HECTD4: variants seen among roughly 807,000 people sequenced by gnomAD.
HECTD4 encodes probable E3 ubiquitin-protein ligase HECTD4.
In HECTD4, 114 loss-of-function variants were observed where a neutral mutation model predicts 471.5. That is an observed-to-expected ratio of 0.24 (90% CI 0.21 to 0.28). HECTD4 has a LOEUF of 0.28. Among genes scored for constraint, HECTD4 ranks in the 10% least tolerant of loss-of-function variants. The probability of loss-of-function intolerance (pLI) is 1.00; values close to 1 mark genes in which losing one functional copy is unlikely to be tolerated. For synonymous variants in HECTD4, 2,012 were observed against 2,256.0 expected (o/e 0.89, Z 3.07); for missense variants, 3,866 against 5,651.5 (o/e 0.68, Z 10.13).
chr12:112,348,618 G>C (rs947608404), intron 1 of HECTD4, among the ~76,000 whole-genome samples: 2 of 152,050 alleles, frequency 1.3e-5, no homozygotes, highest in African/African-American at 2.4e-5. Context: ...AGATGAGCTG[G>C]ACACAGTGGT....
intron 43 of HECTD4, among the ~76,000 whole-genome samples, chr12:112,227,111 T>C (rs566510071): frequency 3.3e-5 from 5 of 152,236 alleles, no homozygotes; most frequent in Admixed American, 3.3e-4. Flanking sequence ...AGTGGGAAAA[T>C]CTGTATGGCG....
chr12:112,187,877 T>C (rs1326576911), intron 60 of HECTD4, among the ~76,000 whole-genome samples: 8 of 143,302 alleles, frequency 5.6e-5, no homozygotes, highest in African/African-American at 1.8e-4. Context: ...CCGCCCGCCT[T>C]GGCCTCCCAA....
chr12:112,244,086 C>G, intron 29 of HECTD4, 77 bp from the exon 30 acceptor site: 4 of 1,447,074 alleles, frequency 2.8e-6, no homozygotes, highest in Non-Finnish European at 3.8e-6. Flanking sequence ...AACTACCCAA[C>G]AGTCTAAGTG....
At chr12:112,218,003 T>A (rs1378673209) in intron 45 of HECTD4, among the ~76,000 whole-genome samples, 3 of 152,024 alleles carry the variant, frequency 2.0e-5, no homozygotes, top group Non-Finnish European at 4.4e-5. Context: ...TTTTTATTTT[T>A]TGAGACAGTC....
At chr12:112,362,725 A>G (rs2036475491) in intron 1 of HECTD4, among the ~76,000 whole-genome samples, 1 of 148,414 alleles carries the variant, frequency 6.7e-6, no homozygotes, top group South Asian at 2.1e-4. Flanking sequence ...TTTTTTTGAG[A>G]TGGGGTCTCA....
At position 112,239,079 on chromosome 12, in the gene HECTD4, G is replaced by A. The variant is rs766875303; in HGVS notation, c.5263C>T (p.Arg1755Cys). The change falls in exon 34 of 76, where the codon CGC (arginine) becomes TGC (cysteine). Residue 1755 changes from arginine (R) to cysteine (C), a missense_variant. Transcript: ENST00000682272. The surrounding 1 kb of genome is among the most constrained non-coding windows in gnomAD (Gnocchi z 4.9). ...AWAAFQVLAN[R>C]CVEWEKEEGG... ...TCCTCTTTTTCCCACTCAACACAGC[G>A]GTTGGCAAGCACCTGGAAGGCAGCC... 75 of 1,613,270 alleles carry A rather than the reference G, an allele frequency of 4.6e-5. 1 individual carries two copies. Among genetic ancestry groups the A allele is most frequent in the Non-Finnish European group, 5.5e-5 (65 of 1,179,632 alleles).
chr12:112,228,236 G>C lies in HECTD4; in HGVS notation c.6707C>G (p.Ser2236Cys). The C allele has an allele frequency of 6.2e-7, 1 of 1,607,964 alleles. No homozygotes were observed. Among genetic ancestry groups the C allele is most frequent in the Non-Finnish European group, 8.5e-7 (1 of 1,178,010 alleles). The change falls in exon 43 of 76, where the codon TCC (serine) becomes TGC (cysteine). Residue 2236 changes from serine (S) to cysteine (C), a missense_variant. Physicochemically the swap from Ser to Cys is moderately radical, Grantham distance 112. Transcript: ENST00000682272. This position sits in a 1 kb window ranked among gnomAD's most constrained non-coding sequence, Gnocchi z 4.9. ...RSEALPLHKLSITEKVVQAVQ... is the reference protein window; with the variant it reads ...RSEALPLHKLCITEKVVQAVQ... ...TGCCTGTACTACCTTCTCAGTAATGGACAGTTTATGAAGAGGCAATGCCTG... is the reference window on the plus strand; with the variant it reads ...TGCCTGTACTACCTTCTCAGTAATGCACAGTTTATGAAGAGGCAATGCCTG...
At chr12:112,342,965 A>C (rs1389226693) in intron 1 of HECTD4, among the ~76,000 whole-genome samples, 1 of 152,228 alleles carries the variant, frequency 6.6e-6, no homozygotes, top group Non-Finnish European at 1.5e-5. Context: ...TATTACACTG[A>C]TGCACATGTA....
At chr12:112,281,273 TA>T (rs1555255102) in intron 8 of HECTD4, among the ~76,000 whole-genome samples, 20 of 147,250 alleles carry the variant, frequency 1.4e-4, no homozygotes, top group South Asian at 2.1e-4. Context: ...ATGTTTTTTT[TA>T]AAAAAAAAAA....
At chr12:112,353,218 G>T (rs146765196) in intron 1 of HECTD4, among the ~76,000 whole-genome samples, 1 of 152,186 alleles carries the variant, frequency 6.6e-6, no homozygotes, top group Admixed American at 6.5e-5. Context: ...ACAGCTCTGC[G>T]TTCCAAGAAT....
chr12:112,380,722 G>C (rs1368033408), intron 1 of HECTD4, among the ~76,000 whole-genome samples: 2 of 152,158 alleles, frequency 1.3e-5, no homozygotes, highest in African/African-American at 4.8e-5. Flanking sequence ...CATAACGGAA[G>C]TGCTGAAGCA....
At chr12:112,359,974 G>C (rs543350072) in intron 1 of HECTD4, among the ~76,000 whole-genome samples, 2 of 152,172 alleles carry the variant, frequency 1.3e-5, no homozygotes, top group Admixed American at 6.5e-5. Flanking sequence ...GGAGGAATAC[G>C]CACAGGTGCA....
rs2031961702 is a variant in HECTD4, at chr12:112,188,477, T to C, written c.9472+2309A>G. On this transcript the variant is annotated intron_variant, in intron 60 of 75. Transcript: ENST00000682272. This position sits in a 1 kb window ranked among gnomAD's most constrained non-coding sequence, Gnocchi z 4.2. ...CATATCTTACATTCACATAGTCATG[T>C]ACCCTGGATCTGAGTGGAAAGAGAG... Among the ~76,000 whole-genome samples the C allele has an allele frequency of 6.6e-6, 1 of 152,218 alleles. No individual in the cohort carries two copies. Among genetic ancestry groups the C allele is most frequent in the Non-Finnish European group, 1.5e-5 (1 of 68,038 alleles).
chr12:112,228,814 G>A lies in HECTD4; in HGVS notation c.6520-3C>T. ...CCTGAAATTCCTCTACCTAAAACCTGGAGACAGACATAGATTAGCACTACC... is the reference window on the plus strand; with the variant it reads ...CCTGAAATTCCTCTACCTAAAACCTAGAGACAGACATAGATTAGCACTACC... On this transcript the variant is annotated splice_polypyrimidine_tract_variant and splice_region_variant and intron_variant, in intron 41 of 75. Transcript: ENST00000682272. This position sits in a 1 kb window ranked among gnomAD's most constrained non-coding sequence, Gnocchi z 4.9. 1.2e-6 allele frequency: 2 copies of A among 1,613,276 alleles called. No individual in the cohort carries two copies. Among genetic ancestry groups the A allele is most frequent in the East Asian group, 2.2e-5 (1 of 44,868 alleles).
chr12:112,269,712 A>T lies in HECTD4; in HGVS notation c.2313T>A (p.Leu771=), dbSNP rs375400234. 6.2e-7 allele frequency: 1 copy of T among 1,613,984 alleles called. No individual in the cohort carries two copies. The part of the protein sequence containing the change: ...ICPEIQKEVC[L]AISSGLNILY... ...AATCATTAGCTGTTTACCTGATGGCAAGGCAGACTTCCTTCTGAATTTCAG... is the reference window on the plus strand; with the variant it reads ...AATCATTAGCTGTTTACCTGATGGCTAGGCAGACTTCCTTCTGAATTTCAG... Residue 771 remains leucine (L), a synonymous_variant, in exon 13 of 76, where the codon CTT becomes CTA. Transcript: ENST00000682272.
chr12:112,340,921 G>A (rs1016779825), intron 1 of HECTD4, among the ~76,000 whole-genome samples: 1 of 152,140 alleles, frequency 6.6e-6, no homozygotes, highest in African/African-American at 2.4e-5. Flanking sequence ...TATACCTTCT[G>A]CATTCAAACC....
chr12:112,379,717 T>TTATATA (rs56053560), intron 1 of HECTD4, among the ~76,000 whole-genome samples: 361 of 147,468 alleles, frequency 2.4e-3, no homozygotes, highest in African/African-American at 6.5e-3. Flanking sequence ...AAAAGATTTT[T>TTATATA]TATATATATA....
chr12:112,376,844 G>A (rs1180802585), intron 1 of HECTD4, among the ~76,000 whole-genome samples: 1 of 152,208 alleles, frequency 6.6e-6, no homozygotes, highest in Non-Finnish European at 1.5e-5. Flanking sequence ...TGGGTGCAGT[G>A]GCTGACGCCT....
intron 23 of HECTD4, 85 bp downstream of exon 23, chr12:112,252,339 T>G: frequency 7.3e-7 from 1 of 1,375,400 alleles, no homozygotes; most frequent in Non-Finnish European, 9.7e-7. Context: ...TATTCTGCCC[T>G]GTTTCCAAGG....
Sources: gnomAD v4.1 joint callset for allele counts (sites outside exome capture counted in the v4.1 genomes callset) on GRCh38, gnomAD v4.1.1 for gene constraint, Gnocchi (gnomAD v3.1) non-coding constraint, MANE v1.5 for transcripts, NCBI Gene and HGNC (gene_info 2026-07-23, HGNC 2026-07-21) for gene names.